Variants in GNAO1 observed in about 807,000 individuals in gnomAD.
GNAO1 encodes the protein guanine nucleotide-binding protein G(o) subunit alpha.
For missense variants in GNAO1, 166 were observed against 478.7 expected, an observed-to-expected ratio of 0.35 and a Z score of 6.10; for synonymous variants, 164 against 180.7, an observed-to-expected ratio of 0.91 and a Z score of 0.74.
intron 2 of GNAO1, among the ~76,000 whole-genome samples, chr16:56,264,002 A>G (rs2036928759): frequency 1.3e-5 from 2 of 152,236 alleles, no homozygotes; most frequent in African/African-American, 4.8e-5. Flanking sequence ...ACACACAGGC[A>G]TGAAAAAGGC....
At chr16:56,206,468 G>T (rs11076144) in intron 2 of GNAO1, among the ~76,000 whole-genome samples, 11,604 of 152,150 alleles carry the variant, frequency 0.076, 491 homozygotes, top group South Asian at 0.094. Flanking sequence ...AGATACCTCT[G>T]CATCCTGGAA....
At chr16:56,272,548 C>T (rs553549027) in intron 2 of GNAO1, among the ~76,000 whole-genome samples, 1 of 152,320 alleles carries the variant, frequency 6.6e-6, no homozygotes, top group Admixed American at 6.5e-5. Flanking sequence ...TGGGACACCC[C>T]AGGCAACAGA....
intron 3 of GNAO1, among the ~76,000 whole-genome samples, chr16:56,316,794 C>T (rs1342954928): frequency 6.6e-6 from 1 of 152,206 alleles, no homozygotes; most frequent in Non-Finnish European, 1.5e-5. Context: ...GCACTCAGCC[C>T]TGGGCTTCAC....
intron 6 of GNAO1, among the ~76,000 whole-genome samples, chr16:56,343,150 A>G (rs1452547641): frequency 1.3e-5 from 2 of 151,780 alleles, no homozygotes; most frequent in Non-Finnish European, 2.9e-5. Context: ...CCATAAATGC[A>G]TGTATAAAAG....
chr16:56,338,498 AC>A (rs1447169594), intron 6 of GNAO1, among the ~76,000 whole-genome samples: 6 of 152,216 alleles, frequency 3.9e-5, no homozygotes, highest in African/African-American at 1.4e-4. Context: ...CTATGCTATT[AC>A]GGCCACTGCT....
chr16:56,306,323 T>C (rs2143595790), intron 3 of GNAO1, among the ~76,000 whole-genome samples: 1 of 152,356 alleles, frequency 6.6e-6, no homozygotes, highest in African/African-American at 2.4e-5. Flanking sequence ...TTCATCGTTG[T>C]GGCGGAATCT....
chr16:56,255,623 C>A (rs188948563), intron 2 of GNAO1: 2 of 152,166 alleles, frequency 1.3e-5, no homozygotes, highest in East Asian at 3.9e-4. Flanking sequence ...TCTTGTCGTC[C>A]TTCCTGGAAC....
At chr16:56,192,422 C>T in intron 1 of GNAO1, 69 bp downstream of exon 1, 1 of 1,025,642 alleles carries the variant, frequency 9.7e-7, no homozygotes, top group African/African-American at 1.6e-5. Flanking sequence ...ACCAGCTCCC[C>T]CACCCCACTC....
At chr16:56,293,914 G>A (rs2037257325) in intron 3 of GNAO1, among the ~76,000 whole-genome samples, 1 of 152,176 alleles carries the variant, frequency 6.6e-6, no homozygotes, top group Admixed American at 6.5e-5. Flanking sequence ...AGGAAGGTTG[G>A]TGTGTCAAGT....
chr16:56,211,621 A>G (rs2036389070), intron 2 of GNAO1, among the ~76,000 whole-genome samples: 1 of 152,156 alleles, frequency 6.6e-6, no homozygotes, highest in Non-Finnish European at 1.5e-5. Flanking sequence ...TGAGTTCACA[A>G]CTTGTTGAGT....
At chr16:56,202,154 A>T (rs2036287062) in intron 2 of GNAO1, among the ~76,000 whole-genome samples, 1 of 152,208 alleles carries the variant, frequency 6.6e-6, no homozygotes, top group South Asian at 2.1e-4. Context: ...GAGTAGCATC[A>T]TGAAAGCCAA....
intron 2 of GNAO1, among the ~76,000 whole-genome samples, chr16:56,252,051 T>A (rs2036804631): frequency 1.3e-5 from 2 of 152,134 alleles, no homozygotes; most frequent in African/African-American, 4.8e-5. Context: ...TTATAGGAAG[T>A]ATAATAAATC....
At chr16:56,321,903 A>G (rs2037575082) in intron 3 of GNAO1, among the ~76,000 whole-genome samples, 1 of 152,220 alleles carries the variant, frequency 6.6e-6, no homozygotes, top group Admixed American at 6.5e-5. Flanking sequence ...TCATCCATTC[A>G]GGCTACCATA....
At chr16:56,340,055 C>T (rs760016751) in intron 6 of GNAO1, among the ~76,000 whole-genome samples, 9 of 152,244 alleles carry the variant, frequency 5.9e-5, no homozygotes, top group Non-Finnish European at 7.3e-5. Flanking sequence ...GCACCGGGCT[C>T]TCTGCAGGAG....
chr16:56,333,177 C>T (rs2037706946), intron 4 of GNAO1, among the ~76,000 whole-genome samples: 1 of 151,640 alleles, frequency 6.6e-6, no homozygotes, highest in Admixed American at 6.6e-5. Flanking sequence ...CAGAACTGGG[C>T]TGGAATCCCA....
At chr16:56,335,733 G>A (rs1439596185) in intron 5 of GNAO1, among the ~76,000 whole-genome samples, 4 of 152,210 alleles carry the variant, frequency 2.6e-5, no homozygotes, top group Non-Finnish European at 5.9e-5. Context: ...CCCCCACTGG[G>A]AGCACAGGAT....
chr16:56,319,446 A>G (rs1426668545), intron 3 of GNAO1, among the ~76,000 whole-genome samples: 1 of 152,104 alleles, frequency 6.6e-6, no homozygotes, highest in East Asian at 1.9e-4. Flanking sequence ...CACAGGGGGC[A>G]GGGCCCTGAC....
chr16:56,297,011 T>G (rs1406374816), intron 3 of GNAO1, among the ~76,000 whole-genome samples: 1 of 152,138 alleles, frequency 6.6e-6, no homozygotes, highest in African/African-American at 2.4e-5. Flanking sequence ...TGTTAAAGGT[T>G]TTTAGGTCTC....
chr16:56,201,599 T>C (rs367666131), intron 2 of GNAO1, among the ~76,000 whole-genome samples: 11 of 152,218 alleles, frequency 7.2e-5, no homozygotes, highest in Middle Eastern at 3.4e-3. Flanking sequence ...TGTGACCCAG[T>C]TGGGAAAAAG....
Sources: gnomAD v4.1 joint callset for allele counts (sites outside exome capture counted in the v4.1 genomes callset) on GRCh38, gnomAD v4.1.1 for gene constraint, MANE v1.5 for transcripts, NCBI Gene and HGNC (gene_info 2026-07-23, HGNC 2026-07-21) for gene names.